The following NIPAL3 variants were observed in gnomAD, a reference collection of about 807,000 sequenced individuals.
The protein encoded by NIPAL3 is NIPA-like protein 3.
In NIPAL3, 41 loss-of-function variants were observed where a neutral mutation model predicts 47.2. The ratio of observed to expected loss-of-function variants is 0.87; its 90% CI spans 0.68 to 1.13. NIPAL3 has a LOEUF of 1.13. NIPAL3 is among the 50% of genes most tolerant of loss of function. The pLI is 0.00. For missense variants in NIPAL3, 449 were observed against 530.1 expected (o/e 0.85, Z 1.50); for synonymous variants, 194 against 209.6 (o/e 0.93, Z 0.64).
intron 4 of NIPAL3, among the ~76,000 whole-genome samples, chr1:24,444,614 G>A (rs147594963): frequency 3.1e-4 from 47 of 152,352 alleles, no homozygotes; most frequent in African/African-American, 1.1e-3. Context: ...GGCAGAACTA[G>A]GGTAGTGAGT....
chr1:24,425,319 A>AT (rs56889050), intron 2 of NIPAL3, among the ~76,000 whole-genome samples: 128 of 151,862 alleles, frequency 8.4e-4, no homozygotes, highest in African/African-American at 2.9e-3. Flanking sequence ...TTTTTTTGCG[A>AT]TTTTTTTTAA....
chr1:24,415,762 G>A (rs541291297), upstream of NIPAL3: 2 of 887,892 alleles, frequency 2.3e-6, no homozygotes, highest in African/African-American at 3.6e-5. Context: ...ATCAAATCGC[G>A]ACCTTTGAAA....
At chr1:24,456,339 T>C (rs1646202579) in intron 8 of NIPAL3, 66 bp downstream of exon 8, 1 of 1,602,754 alleles carries the variant, frequency 6.2e-7, no homozygotes, top group African/African-American at 1.3e-5. Flanking sequence ...GGGGGCCTGA[T>C]GACGTATGCT....
chr1:24,466,710 T>C (rs890339106), intron 11 of NIPAL3, among the ~76,000 whole-genome samples: 25 of 152,218 alleles, frequency 1.6e-4, no homozygotes, highest in Admixed American at 1.6e-3. Context: ...TGTTAGACTT[T>C]AGGTGTATTC....
chr1:24,414,517 G>A (rs1328974544), upstream of NIPAL3: 1 of 150,558 alleles, frequency 6.6e-6, no homozygotes, highest in Non-Finnish European at 1.5e-5. Flanking sequence ...TTTAAATTTA[G>A]GGTGAAATCC....
Position 24,437,061 on chromosome 1 carries a change from A to C in NIPAL3, c.94-3111A>C, listed in dbSNP as rs184348273. ...GGTCAGGAGATTGAGACCATCCTGG[A>C]TAACACGGTGAAACCCACCTCTCTA... On this transcript the variant is annotated intron_variant, in intron 2 of 11. Transcript: ENST00000374399. 4.2e-3 allele frequency among the ~76,000 whole-genome samples: 632 copies of C among 152,108 alleles called. 5 individuals are homozygous for C. Among genetic ancestry groups the C allele is most frequent in the African/African-American group, 0.014 (595 of 41,548 alleles).
chr1:24,444,999 A>G (rs1318619634), intron 4 of NIPAL3, among the ~76,000 whole-genome samples, 186 bp from the exon 5 acceptor site: 2 of 152,312 alleles, frequency 1.3e-5, no homozygotes, highest in East Asian at 3.9e-4. Flanking sequence ...TCAGGAAGGA[A>G]GGCTCCTCTC....
chr1:24,453,576 G>A, intron 7 of NIPAL3, 72 bp downstream of exon 7: 1 of 1,239,136 alleles, frequency 8.1e-7, no homozygotes, highest in Non-Finnish European at 1.2e-6. Context: ...GGTTTTGTTT[G>A]CAGAGCTGTA....
At chr1:24,440,329 C>A in intron 3 of NIPAL3, 89 bp downstream of exon 3, 1 of 1,009,450 alleles carries the variant, frequency 9.9e-7, no homozygotes, top group Non-Finnish European at 1.4e-6. Context: ...CTCCTCTCTG[C>A]AGGGCCTTGC....
At position 24,472,291 on chromosome 1, in the gene NIPAL3, T is replaced by A. The variant is rs751880097; in HGVS notation, c.*3106T>A. 6.6e-6 allele frequency: 1 copy of A among 152,166 alleles called. No homozygotes were observed. The allele number at this position is 152,166 out of a possible 1,614,324, so 9.4% of individuals were successfully genotyped here. On this transcript the variant is annotated 3_prime_UTR_variant, in exon 12 of 12. Coordinates refer to ENST00000374399, the MANE Select transcript of NIPAL3 (RefSeq NM_020448.5). The stretch of plus-strand genomic sequence containing the variant: ...TCACTTGAGTAGTCAGGAAGCACAG[T>A]GGGTGTGGAGCCATCATCTGTCTTG...
intron 2 of NIPAL3, among the ~76,000 whole-genome samples, chr1:24,430,756 G>C (rs1297124030): frequency 6.6e-6 from 1 of 152,178 alleles, no homozygotes; most frequent in African/African-American, 2.4e-5. Context: ...TGTCGATTAT[G>C]CCTGTAACTT....
At chr1:24,442,403 G>C (rs1375067174) in intron 4 of NIPAL3, among the ~76,000 whole-genome samples, 177 bp downstream of exon 4, 1 of 152,180 alleles carries the variant, frequency 6.6e-6, no homozygotes, top group Non-Finnish European at 1.5e-5. Context: ...TATTAATTCT[G>C]CTAATCCTCC....
At position 24,458,983 on chromosome 1, in the gene NIPAL3, G is replaced by A. The variant is rs1479852926; in HGVS notation, c.862+7G>A. 9 of 1,612,294 alleles carry A rather than the reference G, an allele frequency of 5.6e-6. No individual in the cohort carries two copies. Among genetic ancestry groups the A allele is most frequent in the Non-Finnish European group, 7.6e-6 (9 of 1,178,524 alleles). ...ACCATTGCTATCACAGCAGGTAAGG[G>A]TGACCCATTGCTAGATTTCTGTCTT... On this transcript the variant is annotated splice_region_variant and intron_variant, in intron 9 of 11. Coordinates refer to ENST00000374399, the MANE Select transcript of NIPAL3 (RefSeq NM_020448.5).
intron 11 of NIPAL3, chr1:24,465,466 A>G (rs560923005): frequency 6.6e-6 from 1 of 152,352 alleles, no homozygotes; most frequent in East Asian, 1.9e-4. Context: ...GGTGGAAAAT[A>G]GAAGGTAACC....
intron 2 of NIPAL3, 41 bp downstream of exon 2, chr1:24,419,681 G>A (rs1644230690): frequency 1.3e-6 from 2 of 1,573,026 alleles, no homozygotes; most frequent in African/African-American, 1.4e-5. Context: ...TATTTTCCTA[G>A]CAAGGAAGTT....
At chr1:24,468,033 G>A (rs996892883) in intron 11 of NIPAL3, among the ~76,000 whole-genome samples, 8 of 152,106 alleles carry the variant, frequency 5.3e-5, no homozygotes, top group African/African-American at 1.2e-4. Flanking sequence ...TCGGCCTGGC[G>A]AAATGGCTCA....
intron 5 of NIPAL3, among the ~76,000 whole-genome samples, chr1:24,446,542 C>T (rs1029336613): frequency 2.6e-5 from 4 of 152,072 alleles, no homozygotes; most frequent in African/African-American, 9.7e-5. Context: ...TTTTCTGTTC[C>T]TGCATTAGTT....
chr1:24,426,376 C>A (rs2281185), intron 2 of NIPAL3, among the ~76,000 whole-genome samples: 35,184 of 151,788 alleles, frequency 0.23, 4,621 homozygotes, highest in East Asian at 0.45. Flanking sequence ...CTCACTGCAA[C>A]CTCTACCTTC....
rs531328732 is a variant in NIPAL3, at chr1:24,418,778, G to A, written c.-257-513G>A. Among the ~76,000 whole-genome samples the A allele has an allele frequency of 2.6e-5, 4 of 152,172 alleles. No homozygotes were observed. The South Asian group carries it at 6.2e-4, about 24-fold the overall frequency. On this transcript the variant is annotated intron_variant, in intron 1 of 11. Transcript: ENST00000374399. ...CTGGTCACACAGGTTTTCCACCTCC[G>A]AGACCAGTGTCACCTCACCTGTGTC...
Sources: gnomAD v4.1 joint callset for allele counts (sites outside exome capture counted in the v4.1 genomes callset) on GRCh38, gnomAD v4.1.1 for gene constraint, MANE v1.5 for transcripts, NCBI Gene and HGNC (gene_info 2026-07-23, HGNC 2026-07-21) for gene names.